RSPO3: variants seen among roughly 807,000 people sequenced by gnomAD.
RSPO3 encodes the protein R-spondin-3.
A neutral mutation model predicts 36.5 loss-of-function variants in RSPO3; 17 were observed. That is an observed-to-expected ratio of 0.47 (90% CI 0.32 to 0.70). The LOEUF (loss-of-function observed/expected upper bound fraction) is 0.70, where lower values mean the gene tolerates loss of function less well. Ranked by LOEUF, RSPO3 falls within the 30% of genes least tolerant of loss-of-function variation. The pLI is 0.04. For missense variants in RSPO3, 294 were observed against 322.5 expected (o/e 0.91, Z 0.68); for synonymous variants, 108 against 107.0 (o/e 1.01, Z -0.06).
intron 4 of RSPO3, among the ~76,000 whole-genome samples, chr6:127,156,478 A>G (rs1156899103): frequency 6.6e-6 from 1 of 152,136 alleles, no homozygotes; most frequent in East Asian, 1.9e-4. Context: ...AACTATTGGT[A>G]GTTATCTGGT....
At chr6:127,181,133 A>G (rs1330986114) in intron 4 of RSPO3, among the ~76,000 whole-genome samples, 7 of 151,868 alleles carry the variant, frequency 4.6e-5, no homozygotes, top group Admixed American at 4.6e-4. Flanking sequence ...AGAAAATCAA[A>G]CTCAGATCTT....
intron 4 of RSPO3, among the ~76,000 whole-genome samples, chr6:127,156,902 A>G (rs966459573): frequency 2.6e-5 from 4 of 152,184 alleles, no homozygotes; most frequent in African/African-American, 7.2e-5. Context: ...AGAAACATCC[A>G]TTATGCCAAA....
At chr6:127,168,353 G>A (rs1274327413) in intron 4 of RSPO3, among the ~76,000 whole-genome samples, 1 of 148,304 alleles carries the variant, frequency 6.7e-6, no homozygotes, top group African/African-American at 2.5e-5. Flanking sequence ...CTGATGGCCA[G>A]TGATGATGAG....
intron 1 of RSPO3, among the ~76,000 whole-genome samples, chr6:127,126,853 C>A (rs1478481603): frequency 6.6e-6 from 1 of 152,088 alleles, no homozygotes. Context: ...GCCTCAGTAA[C>A]AGTCAGCCCC....
chr6:127,194,360 GA>G (rs1185155425), intron 4 of RSPO3, among the ~76,000 whole-genome samples: 6 of 152,066 alleles, frequency 3.9e-5, no homozygotes, highest in Non-Finnish European at 8.8e-5. Flanking sequence ...CAGTATGTGG[GA>G]TACACATTCA....
intron 1 of RSPO3, among the ~76,000 whole-genome samples, chr6:127,145,172 G>A (rs1774358014): frequency 6.6e-6 from 1 of 152,006 alleles, no homozygotes; most frequent in Admixed American, 6.6e-5. Context: ...TCACTGGCTG[G>A]ACCTAGAAAC....
In RSPO3 at chr6:127,119,265, T is replaced by A. The variant is rs1773784119; in HGVS notation, c.73T>A (p.Ser25Thr). 1 of 1,612,868 alleles carries A rather than the reference T, an allele frequency of 6.2e-7. No individual in the cohort carries two copies. Residue 25 changes from serine (S) to threonine (T), a missense_variant, in exon 1 of 5, where the codon TCC becomes ACC. Physicochemically the swap from Ser to Thr is moderately conservative, Grantham distance 58. This residue lies in a region of RSPO3 where 61 missense variants were observed against 51.3 expected (regional missense o/e 1.19). Coordinates refer to ENST00000356698, the MANE Select transcript of RSPO3 (RefSeq NM_032784.5). ...GGAATACATCGGCAGCCAAAACGCC[T>A]CCCGGGGAAGGCGCCAGCGAAGAAG... ...FMEYIGSQNA[S>T]RGRRQRRMHP...
chr6:127,160,675 G>T (rs1774692616), intron 4 of RSPO3, among the ~76,000 whole-genome samples: 2 of 152,190 alleles, frequency 1.3e-5, no homozygotes, highest in South Asian at 4.1e-4. Context: ...ATGGAAAGGG[G>T]TGGTAACTTC....
At chr6:127,146,851 C>A (rs1489907489) in intron 1 of RSPO3, among the ~76,000 whole-genome samples, 1 of 152,160 alleles carries the variant, frequency 6.6e-6, no homozygotes. Flanking sequence ...ATTCCAAACA[C>A]ATGGAAATCT....
At chr6:127,129,438 G>T (rs1774007367) in intron 1 of RSPO3, among the ~76,000 whole-genome samples, 1 of 152,058 alleles carries the variant, frequency 6.6e-6, no homozygotes, top group East Asian at 1.9e-4. Flanking sequence ...GATAATATGG[G>T]TTCCAATGAG....
At chr6:127,141,935 ATATT>A (rs1327506643) in intron 1 of RSPO3, among the ~76,000 whole-genome samples, 1 of 152,116 alleles carries the variant, frequency 6.6e-6, no homozygotes, top group Non-Finnish European at 1.5e-5. Context: ...ATATGTGCAC[ATATT>A]TAAATATGTA....
At chr6:127,159,816 T>A (rs1316246385) in intron 4 of RSPO3, among the ~76,000 whole-genome samples, 1 of 151,818 alleles carries the variant, frequency 6.6e-6, no homozygotes, top group Non-Finnish European at 1.5e-5. Context: ...ACCTGGCTAA[T>A]TTTTTGTATT....
intron 3 of RSPO3, among the ~76,000 whole-genome samples, chr6:127,151,240 A>C (rs1774485344): frequency 1.3e-5 from 2 of 151,996 alleles, no homozygotes; most frequent in Non-Finnish European, 2.9e-5. Context: ...AGATTGAGAC[A>C]GTCCCTGGGG....
At chr6:127,119,629 C>A (rs1773796899) in intron 1 of RSPO3, among the ~76,000 whole-genome samples, 1 of 152,242 alleles carries the variant, frequency 6.6e-6, no homozygotes, top group African/African-American at 2.4e-5. Flanking sequence ...GACAGGGGCA[C>A]CCAGCCGAAG....
At chr6:127,122,671 A>C (rs1773868097) in intron 1 of RSPO3, among the ~76,000 whole-genome samples, 1 of 152,230 alleles carries the variant, frequency 6.6e-6, no homozygotes. Flanking sequence ...TTAAGTAATA[A>C]ATTAGATGGT....
At chr6:127,139,231 T>A (rs996815460) in intron 1 of RSPO3, among the ~76,000 whole-genome samples, 1 of 152,360 alleles carries the variant, frequency 6.6e-6, no homozygotes, top group African/African-American at 2.4e-5. Context: ...CTGGAGTTTT[T>A]AAAAATGGTA....
chr6:127,143,415 C>T (rs915263984), intron 1 of RSPO3, among the ~76,000 whole-genome samples: 1 of 152,096 alleles, frequency 6.6e-6, no homozygotes, highest in Non-Finnish European at 1.5e-5. Context: ...TCTCTTAAGG[C>T]CACTGCATAC....
At chr6:127,131,417 C>T (rs1262479467) in intron 1 of RSPO3, among the ~76,000 whole-genome samples, 1 of 152,060 alleles carries the variant, frequency 6.6e-6, no homozygotes, top group South Asian at 2.1e-4. Flanking sequence ...AGCCTACGAT[C>T]CAAGAAACCT....
At chr6:127,123,140 T>C (rs531781680) in intron 1 of RSPO3, among the ~76,000 whole-genome samples, 9 of 152,308 alleles carry the variant, frequency 5.9e-5, no homozygotes, top group South Asian at 2.1e-4. Context: ...TCATTGCTCA[T>C]GACATTGTTT....
Sources: gnomAD v4.1 joint callset for allele counts (sites outside exome capture counted in the v4.1 genomes callset) on GRCh38, gnomAD v4.1.1 for gene constraint, gnomAD v4.1.1 regional missense constraint, MANE v1.5 for transcripts, NCBI Gene and HGNC (gene_info 2026-07-23, HGNC 2026-07-21) for gene names.